Variants in ANKS3 observed in about 807,000 individuals in gnomAD.
The protein encoded by ANKS3 is ankyrin repeat and SAM domain-containing protein 3.
A neutral mutation model predicts 80.7 loss-of-function variants in ANKS3; 62 were observed. The observed-to-expected ratio is 0.77, with a 90% CI of 0.63 to 0.95. The LOEUF is 0.95. ANKS3 is among the 40% of genes least tolerant of loss of function. ANKS3 has a pLI of 0.00. For missense variants in ANKS3, 1,150 were observed against 883.6 expected (o/e 1.30, Z -3.82); for synonymous variants, 489 against 355.3 (o/e 1.38, Z -4.23).
rs190465491 is a variant in ANKS3, at chr16:4,714,249, T to A, written c.574-63A>T. 340 of 1,592,394 alleles carry A rather than the reference T, an allele frequency of 2.1e-4. 2 individuals carry two copies. The African/African-American group carries it at 4.1e-3, about 19-fold the overall frequency. On this transcript the variant is annotated intron_variant, in intron 6 of 17. Transcript: ENST00000304283. ...TTCAAAGCACCTGCCCTTCCTGGGC[T>A]GCTGGCTGGGAAGACAGAAGGGCAT...
Position 4,702,092 on chromosome 16 carries a change from G to A in ANKS3, c.1009+10C>T, listed in dbSNP as rs1596356804. ...TGAGCCACGGGCCGGATGGGTGGGG[G>A]TGCACGTACCCCGACTGCTGCTGCT... On this transcript the variant is annotated intron_variant, in intron 9 of 17. Coordinates refer to ENST00000304283, the MANE Select transcript of ANKS3 (RefSeq NM_133450.4). The A allele has an allele frequency of 3.2e-6, 5 of 1,573,700 alleles. No individual in the cohort carries two copies. The highest frequency in any genetic ancestry group is 1.1e-5 in the South Asian group (1 of 87,948).
chr16:4,714,094 G>T lies in ANKS3; in HGVS notation c.666C>A (p.Asp222Glu). The stretch of plus-strand genomic sequence containing the variant: ...TCTTGGGCAGAGAGGGCGAGTAAGT[G>T]TCCATCAAGGCCACGATCTTCATGT... ...YGHMKIVALM[D>E]TYSPSLPKSL... Residue 222 changes from aspartate (D) to glutamate (E), a missense_variant, in exon 7 of 18, where the codon GAC (aspartate) becomes GAA (glutamate). Asp to Glu is a conservative substitution (Grantham distance 45). Transcript: ENST00000304283. 1 of 1,614,208 alleles carries T rather than the reference G, an allele frequency of 6.2e-7. No individual in the cohort carries two copies. Among genetic ancestry groups the T allele is most frequent in the Non-Finnish European group, 8.5e-7 (1 of 1,180,046 alleles).
At chr16:4,699,824 T>C (rs2142027083) in intron 11 of ANKS3, 1 of 152,458 alleles carries the variant, frequency 6.6e-6, no homozygotes, top group South Asian at 2.1e-4. Flanking sequence ...CCTGCTCAAT[T>C]CTGCTGTGAG....
At position 4,726,848 on chromosome 16, in the gene ANKS3, G is replaced by A. The variant is rs377589264; in HGVS notation, c.370-68C>T. On this transcript the variant is annotated intron_variant, in intron 4 of 17. Transcript: ENST00000304283. ...TGCGTGGGGCGGGCGCCCTCCAGGC[G>A]GCCATGCTGCAAGAATCAGAAGTGA... 118 of 1,597,290 alleles carry A rather than the reference G, an allele frequency of 7.4e-5. 1 individual carries two copies. In the South Asian group the frequency reaches 9.8e-4, roughly 13 times the overall value.
At chr16:4,731,405 G>C in intron 2 of ANKS3, 107 bp downstream of exon 2, 1 of 153,440 alleles carries the variant, frequency 6.5e-6, no homozygotes, top group Admixed American at 6.5e-5. Context: ...TCAGCCACCT[G>C]AATAGCTGAG....
chr16:4,705,120 G>C lies in ANKS3; in HGVS notation c.843C>G (p.Gly281=). ...ALARITGIGL[G]GRAPRPRYEQ... is the part of the protein sequence containing the mutation. ...CATAGCGAGGCCGTGGGGCTCTGCC[G>C]CCCAGGCCAATGCCTGTGATCCTGG... Residue 281 remains glycine (G), a synonymous_variant, in exon 8 of 18, where the codon GGC becomes GGG. Coordinates refer to ENST00000304283, the MANE Select transcript of ANKS3 (RefSeq NM_133450.4). 1 of 1,612,912 alleles carries C rather than the reference G, an allele frequency of 6.2e-7. No individual in the cohort carries two copies. Among genetic ancestry groups the C allele is most frequent in the Non-Finnish European group, 8.5e-7 (1 of 1,180,026 alleles).
At chr16:4,698,369 C>G in intron 14 of ANKS3, 58 bp downstream of exon 14, 2 of 1,435,826 alleles carry the variant, frequency 1.4e-6, no homozygotes, top group Non-Finnish European at 1.8e-6. Context: ...TGTGGGGGCC[C>G]AGGGGCCAGG....
At chr16:4,726,909 G>A (rs1291274247) in intron 4 of ANKS3, 70 bp downstream of exon 4, 14 of 1,606,800 alleles carry the variant, frequency 8.7e-6, no homozygotes, top group Non-Finnish European at 9.3e-6. Context: ...GGCCTGCAGT[G>A]GTTCGCATCT....
intron 6 of ANKS3, among the ~76,000 whole-genome samples, chr16:4,718,858 C>T (rs1420348934): frequency 1.3e-5 from 2 of 152,152 alleles, no homozygotes; most frequent in African/African-American, 2.4e-5. Context: ...GGAAAGAGAA[C>T]ATTTTTGCTT....
intron 3 of ANKS3, chr16:4,728,029 C>G (rs2081441837): frequency 6.6e-6 from 1 of 152,166 alleles, no homozygotes. Context: ...CAGGATCTGT[C>G]CCTTTTACGG....
intron 7 of ANKS3, among the ~76,000 whole-genome samples, chr16:4,707,132 C>T (rs987492662): frequency 5.9e-5 from 9 of 152,134 alleles, no homozygotes; most frequent in Non-Finnish European, 1.0e-4. Context: ...AGCAAGGGAA[C>T]GGCAGCTGCG....
chr16:4,697,274 C>T, intron 16 of ANKS3, 59 bp downstream of exon 16: 1 of 1,552,524 alleles, frequency 6.4e-7, no homozygotes, highest in Non-Finnish European at 8.8e-7. Flanking sequence ...GGAAAGGGGT[C>T]CCTTTGCCTC....
chr16:4,716,783 G>T (rs62037158), intron 6 of ANKS3, among the ~76,000 whole-genome samples: 2 of 151,956 alleles, frequency 1.3e-5, no homozygotes, highest in African/African-American at 2.4e-5. Flanking sequence ...AGGTGTGGTG[G>T]TGCGTGCCTG....
chr16:4,728,011 C>T (rs528216085), intron 3 of ANKS3: 1 of 152,314 alleles, frequency 6.6e-6, no homozygotes, highest in African/African-American at 2.4e-5. Context: ...CAACTGGTGA[C>T]TGAACCCCAG....
At chr16:4,722,412 C>T (rs562858690) in intron 6 of ANKS3, among the ~76,000 whole-genome samples, 4 of 151,874 alleles carry the variant, frequency 2.6e-5, no homozygotes, top group Non-Finnish European at 5.9e-5. Flanking sequence ...AACCTTGTCT[C>T]TACTAAAAAT....
intron 7 of ANKS3, among the ~76,000 whole-genome samples, chr16:4,709,093 C>A (rs1159892712): frequency 6.6e-6 from 1 of 151,902 alleles, no homozygotes; most frequent in African/African-American, 2.4e-5. Context: ...TACTGAGACA[C>A]TGTCTCTATT....
intron 6 of ANKS3, among the ~76,000 whole-genome samples, chr16:4,717,918 C>T (rs150171308): frequency 4.6e-4 from 70 of 152,218 alleles, no homozygotes; most frequent in African/African-American, 1.4e-3. Context: ...GCCTCAGCCT[C>T]CCAAGTAGCT....
chr16:4,702,085 G>A lies in ANKS3; in HGVS notation c.1009+17C>T, dbSNP rs2079943237. The A allele has an allele frequency of 5.1e-6, 8 of 1,568,604 alleles. No homozygotes were observed. The highest frequency in any genetic ancestry group is 2.0e-4 in the Middle Eastern group (1 of 4,978). On this transcript the variant is annotated intron_variant, in intron 9 of 17. Transcript: ENST00000304283. ...ACCTGCCTGAGCCACGGGCCGGATG[G>A]GTGGGGGTGCACGTACCCCGACTGC...
At chr16:4,717,727 C>T (rs1449732774) in intron 6 of ANKS3, among the ~76,000 whole-genome samples, 1 of 152,096 alleles carries the variant, frequency 6.6e-6, no homozygotes, top group African/African-American at 2.4e-5. Context: ...TGGCTCATTG[C>T]AACCCTGACC....
Sources: gnomAD v4.1 joint callset for allele counts (sites outside exome capture counted in the v4.1 genomes callset) on GRCh38, gnomAD v4.1.1 for gene constraint, MANE v1.5 for transcripts, NCBI Gene and HGNC (gene_info 2026-07-23, HGNC 2026-07-21) for gene names.